The following DPY19L3 variants were observed in gnomAD, a reference collection of about 807,000 sequenced individuals.
The protein encoded by DPY19L3 is protein C-mannosyl-transferase DPY19L3.
In DPY19L3, 51 loss-of-function variants were observed where a neutral mutation model predicts 92.3. The ratio of observed to expected loss-of-function variants is 0.55; its 90% confidence interval spans 0.44 to 0.70. DPY19L3 has a LOEUF of 0.70. DPY19L3 is among the 30% of genes least tolerant of loss of function. The pLI is 0.00. For missense variants in DPY19L3, 706 were observed against 855.9 expected (o/e 0.82, Z 2.18); for synonymous variants, 309 against 315.2 (o/e 0.98, Z 0.21).
chr19:32,452,954 G>T (rs1039270425), intron 8 of DPY19L3, among the ~76,000 whole-genome samples, 191 bp from the exon 9 acceptor site: 4 of 150,574 alleles, frequency 2.7e-5, no homozygotes, highest in African/African-American at 9.8e-5. Flanking sequence ...GATCCCACCC[G>T]CCTCGGCCTC....
chr19:32,447,493 G>A (rs1286894553), intron 8 of DPY19L3, among the ~76,000 whole-genome samples: 2 of 152,110 alleles, frequency 1.3e-5, no homozygotes, highest in South Asian at 2.1e-4. Flanking sequence ...GAGGCAGGTG[G>A]ATCACCTGAG....
rs1470777989 is a variant in DPY19L3, at chr19:32,476,400, C to T, written c.1698-1122C>T. Among the ~76,000 whole-genome samples the T allele has an allele frequency of 2.0e-5, 3 of 151,984 alleles. No individual in the cohort carries two copies. In the East Asian group the frequency reaches 5.8e-4, roughly 29 times the overall value. On this transcript the variant is annotated intron_variant, in intron 16 of 18. Coordinates refer to ENST00000392250, the MANE Select transcript of DPY19L3 (RefSeq NM_001172774.2). ...CTCCTCTCAATGCAAGAAGGATAAACGCAGCCCGCAGTGTCCTCAGTGGGC... is the reference window on the plus strand; with the variant it reads ...CTCCTCTCAATGCAAGAAGGATAAATGCAGCCCGCAGTGTCCTCAGTGGGC...
intron 9 of DPY19L3, among the ~76,000 whole-genome samples, chr19:32,454,573 CAAAAGA>C (rs1568348281): frequency 6.6e-6 from 1 of 151,516 alleles, no homozygotes; most frequent in African/African-American, 2.4e-5. Context: ...GACTCCGTCT[CAAAAGA>C]AAAAGAAAAA....
At chr19:32,439,649 TTCAGAG>T in intron 7 of DPY19L3, 121 bp from the exon 8 acceptor site, 1 of 938,762 alleles carries the variant, frequency 1.1e-6, no homozygotes, top group Non-Finnish European at 1.6e-6. Context: ...TGCAAGGGTT[TTCAGAG>T]CAACAGTTTA....
intron 12 of DPY19L3, among the ~76,000 whole-genome samples, chr19:32,459,758 A>T (rs532122003): frequency 3.7e-4 from 56 of 152,346 alleles, no homozygotes; most frequent in Middle Eastern, 3.4e-3. Flanking sequence ...GTATATGATC[A>T]TAGATAAAAG....
At chr19:32,425,410 G>A (rs1030782764) in intron 3 of DPY19L3, among the ~76,000 whole-genome samples, 1 of 152,032 alleles carries the variant, frequency 6.6e-6, no homozygotes, top group Non-Finnish European at 1.5e-5. Context: ...AATTAGCCAG[G>A]CGTGATGGCA....
chr19:32,432,657 CAA>C, intron 3 of DPY19L3, 57 bp from the exon 4 acceptor site: 3 of 1,403,316 alleles, frequency 2.1e-6, no homozygotes, highest in Non-Finnish European at 3.0e-6. Flanking sequence ...TCTACAGTAA[CAA>C]TATGTATTTA....
intron 1 of DPY19L3, among the ~76,000 whole-genome samples, chr19:32,407,108 T>C (rs1967986104): frequency 6.6e-6 from 1 of 151,266 alleles, no homozygotes; most frequent in African/African-American, 2.4e-5. Context: ...GTGGAAACAA[T>C]CATGTCAGGC....
chr19:32,413,714 A>G (rs1035175536), intron 3 of DPY19L3, among the ~76,000 whole-genome samples: 2 of 150,156 alleles, frequency 1.3e-5, no homozygotes, highest in East Asian at 2.0e-4. Flanking sequence ...ACTCGTTTAT[A>G]TATCTTTTTT....
At chr19:32,450,359 A>G (rs968868839) in intron 8 of DPY19L3, among the ~76,000 whole-genome samples, 1 of 152,182 alleles carries the variant, frequency 6.6e-6, no homozygotes, top group African/African-American at 2.4e-5. Flanking sequence ...GAGTTACCAT[A>G]TGATTTAGCA....
chr19:32,444,741 T>G (rs1599634064), intron 8 of DPY19L3, among the ~76,000 whole-genome samples: 1 of 151,820 alleles, frequency 6.6e-6, no homozygotes, highest in East Asian at 1.9e-4. Context: ...AGAAAAATAC[T>G]GTACCTATAG....
At chr19:32,461,394 G>C (rs1970035819) in intron 12 of DPY19L3, among the ~76,000 whole-genome samples, 1 of 152,250 alleles carries the variant, frequency 6.6e-6, no homozygotes, top group Non-Finnish European at 1.5e-5. Context: ...CTTCCAGCTT[G>C]GCTGGGCTAT....
In DPY19L3 at chr19:32,421,637, A is replaced by G. The variant is rs1456329126; in HGVS notation, c.237+10265A>G. Among the ~76,000 whole-genome samples, 3 of 125,186 alleles carry G rather than the reference A, an allele frequency of 2.4e-5. No homozygotes were observed. The East Asian group carries it at 7.5e-4, about 31-fold the overall frequency. The allele number at this position is 125,186 out of a possible 152,430, so 82.1% of individuals were successfully genotyped here. On this transcript the variant is annotated intron_variant, in intron 3 of 18. Coordinates refer to ENST00000392250, the MANE Select transcript of DPY19L3 (RefSeq NM_001172774.2). ...AGCGAGACTTCATCTCAAAAAAAAA[A>G]AAAAAAAAAGAGAGAGGAGTCTGTA...
chr19:32,480,346 T>G lies in DPY19L3; in HGVS notation c.1831-53T>G, dbSNP rs1309974144. ...TGGAAGGTTACATCACATAGTTAAC[T>G]CCCTGGCAGTCAAGTAGCATTTGCC... On this transcript the variant is annotated intron_variant, in intron 17 of 18. Transcript: ENST00000392250. 4.5e-6 allele frequency: 7 copies of G among 1,564,830 alleles called. No homozygotes were observed. The East Asian group carries it at 1.6e-4, about 35-fold the overall frequency.
intron 3 of DPY19L3, among the ~76,000 whole-genome samples, chr19:32,425,560 AAAG>A (rs1229218832): frequency 6.6e-6 from 1 of 152,130 alleles, no homozygotes; most frequent in Non-Finnish European, 1.5e-5. Flanking sequence ...CAAAAAAAAA[AAAG>A]AAAAAAATTA....
intron 16 of DPY19L3, among the ~76,000 whole-genome samples, chr19:32,475,034 CTG>C (rs1453145086): frequency 6.6e-6 from 1 of 152,338 alleles, no homozygotes; most frequent in Non-Finnish European, 1.5e-5. Context: ...TTTGTGAACT[CTG>C]TAATTCATCC....
At chr19:32,414,276 C>T (rs559092503) in intron 3 of DPY19L3, among the ~76,000 whole-genome samples, 2 of 152,124 alleles carry the variant, frequency 1.3e-5, no homozygotes. Context: ...AAAAAATTAC[C>T]CGGGCATGGT....
At chr19:32,470,473 C>G (rs1442009965) in intron 16 of DPY19L3, among the ~76,000 whole-genome samples, 1 of 152,154 alleles carries the variant, frequency 6.6e-6, no homozygotes, top group Non-Finnish European at 1.5e-5. Context: ...ACCATAAACA[C>G]CCCAGTCTTT....
At chr19:32,437,142 G>C (rs372051538) in intron 5 of DPY19L3, 52 bp from the exon 6 acceptor site, 1 of 1,607,344 alleles carries the variant, frequency 6.2e-7, no homozygotes, top group African/African-American at 1.3e-5. Context: ...AAATGGCACT[G>C]AGGAGGGTTA....
Sources: gnomAD v4.1 joint callset for allele counts (sites outside exome capture counted in the v4.1 genomes callset) on GRCh38, gnomAD v4.1.1 for gene constraint, MANE v1.5 for transcripts, NCBI Gene and HGNC (gene_info 2026-07-23, HGNC 2026-07-21) for gene names.